The following FAM81A variants were observed in gnomAD, a reference collection of about 807,000 sequenced individuals.
The protein encoded by FAM81A is family with sequence similarity 81 member A.
FAM81A carries 19 observed loss-of-function variants against 46.7 expected under a neutral mutation model. The observed-to-expected ratio is 0.41, with a 90% CI of 0.28 to 0.60. FAM81A has a LOEUF of 0.60. FAM81A is among the 20% of genes least tolerant of loss of function. The probability of loss-of-function intolerance (pLI) is 0.34; values close to 1 mark genes in which losing one functional copy is unlikely to be tolerated. For synonymous variants in FAM81A, 183 were observed against 152.9 expected (o/e 1.20, Z -1.45); for missense variants, 377 against 453.5 (o/e 0.83, Z 1.53).
At chr15:59,421,515 C>T (rs950163583) in intron 2 of FAM81A, among the ~76,000 whole-genome samples, 53 of 152,176 alleles carry the variant, frequency 3.5e-4, no homozygotes, top group African/African-American at 1.3e-3. Context: ...ACAGGAGCCT[C>T]TCCCGAATTT....
intron 4 of FAM81A, among the ~76,000 whole-genome samples, chr15:59,496,466 G>A (rs1373375411): frequency 6.6e-6 from 1 of 152,176 alleles, no homozygotes; most frequent in African/African-American, 2.4e-5. Context: ...TTTGCCAGGT[G>A]TGGCGGCCTG....
At chr15:59,514,527 A>G (rs1287775916) in intron 7 of FAM81A, 103 bp downstream of exon 7, 3 of 1,395,520 alleles carry the variant, frequency 2.1e-6, no homozygotes, top group African/African-American at 2.9e-5. Flanking sequence ...TAGCTGTTCA[A>G]TTGTTTCTTG....
At chr15:59,458,107 T>G (rs2081506170) in intron 1 of FAM81A, among the ~76,000 whole-genome samples, 1 of 152,262 alleles carries the variant, frequency 6.6e-6, no homozygotes, top group Non-Finnish European at 1.5e-5. Flanking sequence ...AAATAAGTGC[T>G]CTTCATTTAC....
chr15:59,475,400 C>T (rs1050954983), intron 3 of FAM81A, among the ~76,000 whole-genome samples: 1 of 152,150 alleles, frequency 6.6e-6, no homozygotes, highest in Non-Finnish European at 1.5e-5. Context: ...TTATGTATGG[C>T]CTCCCAAAGT....
At chr15:59,507,952 G>A (rs1353491388) in intron 5 of FAM81A, among the ~76,000 whole-genome samples, 2 of 152,142 alleles carry the variant, frequency 1.3e-5, no homozygotes, top group African/African-American at 4.8e-5. Flanking sequence ...TGCCTTATTT[G>A]CTATTGTTCG....
chr15:59,417,258 T>C (rs2081150604), intron 2 of FAM81A, among the ~76,000 whole-genome samples: 2 of 152,262 alleles, frequency 1.3e-5, no homozygotes, highest in African/African-American at 2.4e-5. Context: ...CTGAGGATGC[T>C]GAGTTAGTGG....
intron 2 of FAM81A, among the ~76,000 whole-genome samples, chr15:59,429,445 C>T (rs1238584844): frequency 6.6e-6 from 1 of 152,064 alleles, no homozygotes; most frequent in Non-Finnish European, 1.5e-5. Flanking sequence ...TTAAAAAAAT[C>T]TGTGTTGAAG....
intron 3 of FAM81A, among the ~76,000 whole-genome samples, chr15:59,468,764 T>C (rs1274888253): frequency 2.0e-5 from 3 of 152,336 alleles, no homozygotes; most frequent in African/African-American, 7.2e-5. Flanking sequence ...AGCTTTTGAA[T>C]GTGTTTGCTC....
In FAM81A at chr15:59,475,936, C is replaced by G. The variant is rs1309994947; in HGVS notation, c.294+15730C>G. ...TAGTTTAGGCTGCTATGACAAATTA[C>G]CATAGACTGGGTAGCTTAAACAACA... On this transcript the variant is annotated intron_variant, in intron 3 of 8. Coordinates refer to ENST00000288228, the MANE Select transcript of FAM81A (RefSeq NM_152450.3). Among the ~76,000 whole-genome samples, 5 of 152,122 alleles carry G rather than the reference C, an allele frequency of 3.3e-5. No homozygotes were observed. The East Asian group carries it at 9.6e-4, about 29-fold the overall frequency.
At chr15:59,431,433 C>T (rs1474408945) in intron 2 of FAM81A, among the ~76,000 whole-genome samples, 5 of 152,098 alleles carry the variant, frequency 3.3e-5, no homozygotes, top group Admixed American at 2.0e-4. Flanking sequence ...TGGGGTTTCA[C>T]CATGTTGGTC....
chr15:59,487,448 T>A (rs8029395), intron 3 of FAM81A, among the ~76,000 whole-genome samples: 13,047 of 150,166 alleles, frequency 0.087, 698 homozygotes, highest in African/African-American at 0.15. Context: ...TGAGAACAAT[T>A]TAAAAAAATC....
At chr15:59,423,238 A>G (rs1156996687) in intron 2 of FAM81A, among the ~76,000 whole-genome samples, 2 of 152,040 alleles carry the variant, frequency 1.3e-5, no homozygotes, top group Non-Finnish European at 2.9e-5. Context: ...GCTTGGGACT[A>G]CAGGCGCCCG....
intron 1 of FAM81A, among the ~76,000 whole-genome samples, chr15:59,449,738 C>T (rs1453311319): frequency 4.7e-5 from 6 of 128,636 alleles, no homozygotes; most frequent in South Asian, 2.6e-4. Context: ...GCCGAGATCG[C>T]GCCACTGCAC....
chr15:59,419,214 A>G (rs1011719821), intron 2 of FAM81A, among the ~76,000 whole-genome samples: 13 of 152,240 alleles, frequency 8.5e-5, no homozygotes, highest in African/African-American at 2.7e-4. Flanking sequence ...CCTTTAATCT[A>G]TAAAGCAATT....
At chr15:59,497,183 C>T (rs1165940149) in intron 4 of FAM81A, among the ~76,000 whole-genome samples, 1 of 151,648 alleles carries the variant, frequency 6.6e-6, no homozygotes, top group Non-Finnish European at 1.5e-5. Context: ...CATGGCGGCT[C>T]ACGCCTGTAA....
At chr15:59,454,792 A>AT (rs1351249930) in intron 1 of FAM81A, among the ~76,000 whole-genome samples, 7 of 150,876 alleles carry the variant, frequency 4.6e-5, no homozygotes, top group Admixed American at 2.6e-4. Context: ...TGCCCAGCTA[A>AT]TTTTTTTTAT....
intron 1 of FAM81A, among the ~76,000 whole-genome samples, chr15:59,452,096 G>A (rs1270670854): frequency 2.0e-5 from 3 of 152,194 alleles, no homozygotes; most frequent in African/African-American, 7.2e-5. Context: ...CATTTTTGTG[G>A]ATCAGCTGTT....
intron 1 of FAM81A, among the ~76,000 whole-genome samples, chr15:59,448,856 G>A (rs567083109): frequency 1.1e-4 from 17 of 152,072 alleles, no homozygotes; most frequent in Admixed American, 3.9e-4. Flanking sequence ...TAGAGACGGG[G>A]GCATTGCTAT....
At chr15:59,416,953 A>G (rs553324228) in intron 2 of FAM81A, among the ~76,000 whole-genome samples, 22 of 152,234 alleles carry the variant, frequency 1.4e-4, no homozygotes, top group Non-Finnish European at 2.9e-4. Flanking sequence ...TCTTTCTGCG[A>G]GTAAGCAGCC....
Sources: gnomAD v4.1 joint callset for allele counts (sites outside exome capture counted in the v4.1 genomes callset) on GRCh38, gnomAD v4.1.1 for gene constraint, MANE v1.5 for transcripts, NCBI Gene and HGNC (gene_info 2026-07-23, HGNC 2026-07-21) for gene names.